WWOX: variants seen among roughly 807,000 people sequenced by gnomAD.
WWOX encodes the protein WW domain containing oxidoreductase.
WWOX carries 69 observed loss-of-function variants against 46.2 expected under a neutral mutation model. The observed-to-expected ratio is 1.49, with a 90% CI of 1.23 to 1.82. The LOEUF (loss-of-function observed/expected upper bound fraction) is 1.82, where lower values mean the gene tolerates loss of function less well. Ranked by LOEUF, WWOX falls within the 40% of genes most tolerant of loss-of-function variation. The pLI, the probability that WWOX is intolerant of heterozygous loss-of-function variation, is 0.00. For synonymous variants in WWOX, 359 were observed against 202.6 expected (o/e 1.77, Z -6.56); for missense variants, 919 against 542.6 (o/e 1.69, Z -6.89).
At chr16:78,470,822 C>A (rs2084203731) in intron 8 of WWOX, among the ~76,000 whole-genome samples, 2 of 151,978 alleles carry the variant, frequency 1.3e-5, no homozygotes, top group African/African-American at 4.8e-5. Context: ...AGTCACCATG[C>A]CCGACCAGCA....
intron 8 of WWOX, among the ~76,000 whole-genome samples, chr16:79,191,348 G>T (rs562120420): frequency 2.0e-5 from 3 of 151,952 alleles, no homozygotes; most frequent in East Asian, 3.9e-4. Context: ...GAGCCAGCGC[G>T]CCCAGCCCAT....
chr16:78,698,261 C>A (rs571094601), intron 8 of WWOX, among the ~76,000 whole-genome samples: 236 of 152,260 alleles, frequency 1.5e-3, no homozygotes, highest in Middle Eastern at 0.01. Flanking sequence ...AGATGAGGTT[C>A]TTGAGTACTT....
chr16:79,005,735 T>G (rs1452030682), intron 8 of WWOX, among the ~76,000 whole-genome samples: 3 of 152,196 alleles, frequency 2.0e-5, no homozygotes, highest in Non-Finnish European at 4.4e-5. Flanking sequence ...ACATCTTACC[T>G]AAGTCCATCT....
chr16:78,969,009 C>T (rs903150077), intron 8 of WWOX, among the ~76,000 whole-genome samples: 1 of 152,144 alleles, frequency 6.6e-6, no homozygotes, highest in Admixed American at 6.5e-5. Flanking sequence ...AGATGGACTG[C>T]CTGGAACCCG....
At chr16:78,679,498 C>G (rs530065963) in intron 8 of WWOX, among the ~76,000 whole-genome samples, 86 of 152,140 alleles carry the variant, frequency 5.7e-4, no homozygotes, top group South Asian at 3.5e-3. Context: ...TTGCAGTGAG[C>G]CAAAATTGCA....
chr16:79,050,722 T>A (rs916241673), intron 8 of WWOX, among the ~76,000 whole-genome samples: 5 of 152,146 alleles, frequency 3.3e-5, no homozygotes, highest in Admixed American at 2.6e-4. Context: ...TGAATGGGGC[T>A]ACATAGGTTG....
intron 8 of WWOX, among the ~76,000 whole-genome samples, chr16:78,965,792 G>A (rs1356893435): frequency 6.6e-6 from 1 of 152,152 alleles, no homozygotes; most frequent in African/African-American, 2.4e-5. Context: ...ACTCAGTGAT[G>A]TTATAATATC....
chr16:79,034,650 C>T (rs1435094527), intron 8 of WWOX, among the ~76,000 whole-genome samples: 3 of 151,632 alleles, frequency 2.0e-5, no homozygotes, highest in Non-Finnish European at 4.4e-5. Flanking sequence ...TATCCAACAT[C>T]TTGAATGCTT....
At chr16:78,666,913 C>A (rs960722242) in intron 8 of WWOX, among the ~76,000 whole-genome samples, 1 of 152,148 alleles carries the variant, frequency 6.6e-6, no homozygotes, top group Non-Finnish European at 1.5e-5. Flanking sequence ...CAGCTTCTCC[C>A]AAGACACTGT....
chr16:79,129,796 C>G (rs2049838516), intron 8 of WWOX, among the ~76,000 whole-genome samples: 1 of 152,166 alleles, frequency 6.6e-6, no homozygotes, highest in Non-Finnish European at 1.5e-5. Context: ...CACAGTCCAT[C>G]CCTCAAAGAG....
At chr16:78,467,916 C>A (rs1335393248) in intron 8 of WWOX, among the ~76,000 whole-genome samples, 1 of 152,168 alleles carries the variant, frequency 6.6e-6, no homozygotes, top group East Asian at 1.9e-4. Context: ...AGCCTGGCTT[C>A]TTTTCCACCT....
At chr16:78,161,039 C>T (rs574849523) in intron 4 of WWOX, among the ~76,000 whole-genome samples, 1 of 152,070 alleles carries the variant, frequency 6.6e-6, no homozygotes, top group Admixed American at 6.5e-5. Flanking sequence ...AGCACTTTCT[C>T]TTGTAATGCT....
At chr16:78,220,222 A>G (rs2036844613) in intron 5 of WWOX, among the ~76,000 whole-genome samples, 1 of 152,162 alleles carries the variant, frequency 6.6e-6, no homozygotes, top group Non-Finnish European at 1.5e-5. Context: ...TTGGCCTCCC[A>G]TGTGGGTATC....
chr16:78,122,903 G>T (rs1381077863), intron 4 of WWOX, among the ~76,000 whole-genome samples: 1 of 151,922 alleles, frequency 6.6e-6, no homozygotes, highest in South Asian at 2.1e-4. Flanking sequence ...CCATGCCCGG[G>T]GGTGTTGTAC....
intron 8 of WWOX, among the ~76,000 whole-genome samples, chr16:78,721,982 T>C (rs183762388): frequency 1.2e-4 from 18 of 152,384 alleles, no homozygotes; most frequent in Non-Finnish European, 2.6e-4. Context: ...GTATGTAAAG[T>C]ATTAAATTAG....
intron 5 of WWOX, among the ~76,000 whole-genome samples, chr16:78,381,085 G>A (rs910395137): frequency 6.6e-6 from 1 of 152,186 alleles, no homozygotes; most frequent in Admixed American, 6.5e-5. Flanking sequence ...ATACTGGGCT[G>A]TAGTTCCAGG....
chr16:79,204,551 A>T (rs1431089034), intron 8 of WWOX: 3 of 152,194 alleles, frequency 2.0e-5, no homozygotes, highest in Non-Finnish European at 4.4e-5. Context: ...ATCCTTTGGA[A>T]CATCGATGGC....
At chr16:78,535,998 G>A (rs1166212205) in intron 8 of WWOX, among the ~76,000 whole-genome samples, 4 of 152,128 alleles carry the variant, frequency 2.6e-5, no homozygotes, top group African/African-American at 4.8e-5. Flanking sequence ...GGTTAGTTTC[G>A]GGTATTTCCA....
At chr16:78,922,159 T>G (rs9934733) in intron 8 of WWOX, among the ~76,000 whole-genome samples, 12,401 of 152,102 alleles carry the variant, frequency 0.082, 1,216 homozygotes, top group African/African-American at 0.24. Flanking sequence ...TGCCCACATA[T>G]TTGATCTCAG....
Sources: gnomAD v4.1 joint callset for allele counts (sites outside exome capture counted in the v4.1 genomes callset) on GRCh38, gnomAD v4.1.1 for gene constraint, MANE v1.5 for transcripts, NCBI Gene and HGNC (gene_info 2026-07-23, HGNC 2026-07-21) for gene names.